The following SEC24B variants were observed in gnomAD, a reference collection of about 807,000 sequenced individuals.
SEC24B encodes SEC24 homolog B, COPII component.
In SEC24B, 45 loss-of-function variants were observed where a neutral mutation model predicts 142.8. The observed-to-expected ratio is 0.32, with a 90% CI of 0.25 to 0.40. The LOEUF is 0.40. SEC24B is among the 10% of genes least tolerant of loss of function. SEC24B has a pLI of 1.00. For missense variants in SEC24B, 1,409 were observed against 1,526.8 expected, an observed-to-expected ratio of 0.92 and a Z score of 1.29; for synonymous variants, 574 against 568.2, an observed-to-expected ratio of 1.01 and a Z score of -0.15.
At chr4:109,507,385 G>A (rs1004512858) in intron 7 of SEC24B, among the ~76,000 whole-genome samples, 1 of 142,142 alleles carries the variant, frequency 7.0e-6, no homozygotes, top group Non-Finnish European at 1.5e-5. Context: ...AGTGATTCTC[G>A]TGCCTCAGCC....
At chr4:109,510,464 G>T (rs188154539) in intron 8 of SEC24B, among the ~76,000 whole-genome samples, 1 of 152,152 alleles carries the variant, frequency 6.6e-6, no homozygotes, top group Non-Finnish European at 1.5e-5. Context: ...GTGATTCCCT[G>T]TGGATACAAT....
chr4:109,512,006 G>A lies in SEC24B; in HGVS notation c.1826G>A (p.Arg609Gln), dbSNP rs1392088939. The A allele has an allele frequency of 1.9e-6, 3 of 1,613,178 alleles. No individual in the cohort carries two copies. The highest frequency in any genetic ancestry group is 1.3e-5 in the African/African-American group (1 of 74,882). ...ACCATTGTGAGGTGCCGATCCTGTC[G>A]AACGTATATTAACCCCTTTGTATCC... is the stretch of plus-strand genomic sequence containing the variant. The part of the protein sequence containing the change: ...SNTIVRCRSC[R>Q]TYINPFVSFI... The change falls in exon 9 of 24, where the codon CGA (arginine) becomes CAA (glutamine). Residue 609 changes from arginine (R) to glutamine (Q), a missense_variant. By Grantham distance (43) the Arg-to-Gln change is conservative. Coordinates refer to ENST00000265175, the MANE Select transcript of SEC24B (RefSeq NM_006323.5).
At chr4:109,473,848 G>A (rs576433479) in intron 3 of SEC24B, among the ~76,000 whole-genome samples, 2 of 152,128 alleles carry the variant, frequency 1.3e-5, no homozygotes, top group African/African-American at 4.8e-5. Flanking sequence ...TTAATATATG[G>A]CATTTTTTAT....
In SEC24B at chr4:109,494,704, G is replaced by A; in HGVS notation, c.1336G>A (p.Ala446Thr). 1 of 1,614,172 alleles carries A rather than the reference G, an allele frequency of 6.2e-7. No homozygotes were observed. The highest frequency in any genetic ancestry group is 8.5e-7 in the Non-Finnish European group (1 of 1,180,036). The change falls in exon 6 of 24, where the codon GCT (alanine) becomes ACT (threonine). Residue 446 changes from alanine to threonine, a missense_variant. Ala to Thr is a moderately conservative substitution (Grantham distance 58). Coordinates refer to ENST00000265175, the MANE Select transcript of SEC24B (RefSeq NM_006323.5). ...ASAPAPASAP[A>T]PVVPQPSKMA... is the part of the protein sequence containing the mutation. ...TGCTCCAGCTCCAGCTTCAGCTCCA[G>A]CTCCTGTCGTCCCTCAGCCTTCAAA... is the stretch of plus-strand genomic sequence containing the variant.
At chr4:109,516,910 G>T (rs1238047266) in intron 11 of SEC24B, among the ~76,000 whole-genome samples, 4 of 152,078 alleles carry the variant, frequency 2.6e-5, no homozygotes, top group African/African-American at 9.7e-5. Context: ...GAACACAGGG[G>T]CCAGAAATGT....
rs377602817 is a variant in SEC24B, at chr4:109,444,000, A to G, written c.133+9998A>G. 1.9e-4 allele frequency among the ~76,000 whole-genome samples: 29 copies of G among 152,068 alleles called. 1 individual carries two copies. Among genetic ancestry groups the G allele is most frequent in the Non-Finnish European group, 4.4e-5 (3 of 68,014 alleles). ...CACTTTGGGAGGCTGAGGTGGGTGGATCACCTGAGGTCAGGAGTTCGAGAC... is the reference window on the plus strand; with the variant it reads ...CACTTTGGGAGGCTGAGGTGGGTGGGTCACCTGAGGTCAGGAGTTCGAGAC... On this transcript the variant is annotated intron_variant, in intron 1 of 23. Coordinates refer to ENST00000265175, the MANE Select transcript of SEC24B (RefSeq NM_006323.5).
At chr4:109,471,345 G>A (rs940081274) in intron 2 of SEC24B, among the ~76,000 whole-genome samples, 4 of 151,750 alleles carry the variant, frequency 2.6e-5, no homozygotes, top group African/African-American at 7.3e-5. Flanking sequence ...GGGTTTTGCC[G>A]TGTTGCCCAG....
intron 8 of SEC24B, among the ~76,000 whole-genome samples, chr4:109,511,142 A>G (rs1444883219): frequency 6.6e-6 from 1 of 151,818 alleles, no homozygotes; most frequent in African/African-American, 2.4e-5. Flanking sequence ...ATATGTATAT[A>G]TATGAGAGAG....
intron 6 of SEC24B, among the ~76,000 whole-genome samples, chr4:109,498,510 G>A (rs67066117): frequency 0.094 from 14,321 of 152,036 alleles, 767 homozygotes; most frequent in Middle Eastern, 0.18. Context: ...CACTACAGGC[G>A]TGTGCCACCA....
At chr4:109,483,003 C>CACATACACACACACAT (rs1408633373) in intron 4 of SEC24B, among the ~76,000 whole-genome samples, 1 of 84,108 alleles carries the variant, frequency 1.2e-5, no homozygotes, top group Non-Finnish European at 2.1e-5. Context: ...CACACACACA[C>CACATACACACACACAT]ATATTATACA....
At chr4:109,475,420 A>G (rs1189190058) in intron 3 of SEC24B, among the ~76,000 whole-genome samples, 2 of 152,214 alleles carry the variant, frequency 1.3e-5, no homozygotes, top group Admixed American at 6.5e-5. Flanking sequence ...TTATACTTAA[A>G]AAGAGATTAG....
intron 6 of SEC24B, among the ~76,000 whole-genome samples, chr4:109,501,076 A>C (rs943163100): frequency 6.6e-6 from 1 of 152,196 alleles, no homozygotes; most frequent in African/African-American, 2.4e-5. Context: ...ACTCACCCAG[A>C]GCAACTTTGA....
chr4:109,533,083 A>G (rs892061237), intron 21 of SEC24B, among the ~76,000 whole-genome samples: 1 of 152,210 alleles, frequency 6.6e-6, no homozygotes, highest in African/African-American at 2.4e-5. Flanking sequence ...CTAGAATTTA[A>G]AAGTATTTCA....
chr4:109,506,736 T>C (rs768213368), intron 7 of SEC24B, among the ~76,000 whole-genome samples: 6 of 152,186 alleles, frequency 3.9e-5, no homozygotes, highest in Non-Finnish European at 8.8e-5. Context: ...GTTAGGGAAA[T>C]TATTTCTATT....
intron 2 of SEC24B, among the ~76,000 whole-genome samples, chr4:109,470,494 T>C (rs961988764): frequency 9.9e-5 from 15 of 152,206 alleles, no homozygotes; most frequent in Admixed American, 2.6e-4. Flanking sequence ...ACTAGTCTGC[T>C]TTCTAGGCCA....
chr4:109,508,957 A>G (rs775315437), intron 7 of SEC24B, among the ~76,000 whole-genome samples: 1 of 152,246 alleles, frequency 6.6e-6, no homozygotes, highest in African/African-American at 2.4e-5. Flanking sequence ...CAGAACTTAT[A>G]TTCTCCGATG....
chr4:109,456,773 A>G (rs1379949660), intron 1 of SEC24B, among the ~76,000 whole-genome samples: 1 of 152,158 alleles, frequency 6.6e-6, no homozygotes, highest in Non-Finnish European at 1.5e-5. Flanking sequence ...TTTACTTTCA[A>G]TATATTGTTG....
At position 109,433,840 on chromosome 4, in the gene SEC24B, A is replaced by T; in HGVS notation, c.-30A>T. On this transcript the variant is annotated 5_prime_UTR_variant, in exon 1 of 24. The change creates a new upstream start codon in the 5' untranslated region. Transcript: ENST00000265175. ...CCCTTCCCTCCGCCCACCTCCCTGAAGCGGAGCCGCCGTCGCCACCAGCGC... is the reference window on the plus strand; with the variant it reads ...CCCTTCCCTCCGCCCACCTCCCTGATGCGGAGCCGCCGTCGCCACCAGCGC... 4.7e-6 allele frequency: 6 copies of T among 1,276,218 alleles called. No homozygotes were observed. Among genetic ancestry groups the T allele is most frequent in the Non-Finnish European group, 5.9e-6 (6 of 1,010,472 alleles). 79.1% of individuals were successfully genotyped at this position (1,276,218 alleles called of 1,614,324 possible).
chr4:109,526,120 TC>T (rs1211787885), intron 16 of SEC24B, 105 bp from the exon 17 acceptor site: 1 of 1,083,198 alleles, frequency 9.2e-7, no homozygotes, highest in African/African-American at 1.6e-5. Context: ...TCCCCAGTTA[TC>T]CTTTTGATTC....
Sources: gnomAD v4.1 joint callset for allele counts (sites outside exome capture counted in the v4.1 genomes callset) on GRCh38, gnomAD v4.1.1 for gene constraint, MANE v1.5 for transcripts, NCBI Gene and HGNC (gene_info 2026-07-23, HGNC 2026-07-21) for gene names.